The following ZNF804B variants were observed in gnomAD, a reference collection of about 807,000 sequenced individuals.
ZNF804B encodes the protein zinc finger protein 804B, also known as zinc finger 804B.
In ZNF804B, 80 loss-of-function variants were observed where a neutral mutation model predicts 101.4. That is an observed-to-expected ratio of 0.79 (90% CI 0.66 to 0.95). ZNF804B has a LOEUF of 0.95. ZNF804B is among the 40% of genes least tolerant of loss of function. ZNF804B has a pLI of 0.00. For missense variants in ZNF804B, 1,673 were observed against 1,561.9 expected (o/e 1.07, Z -1.20); for synonymous variants, 622 against 558.8 (o/e 1.11, Z -1.59).
intron 1 of ZNF804B, among the ~76,000 whole-genome samples, chr7:89,060,057 T>C (rs1030089030): frequency 6.6e-6 from 1 of 152,116 alleles, no homozygotes; most frequent in Non-Finnish European, 1.5e-5. Flanking sequence ...TTCAGAGCCC[T>C]CTGACTGAGA....
intron 1 of ZNF804B, among the ~76,000 whole-genome samples, chr7:88,841,253 A>G (rs1207409874): frequency 6.6e-6 from 1 of 152,128 alleles, no homozygotes; most frequent in African/African-American, 2.4e-5. Context: ...TGCCAGCCAC[A>G]CCCCATAGTC....
At position 89,220,024 on chromosome 7, in the gene ZNF804B, T is replaced by TGTATATACACATATATGTGTGTATATAC; in HGVS notation, c.249+1729_249+1730insGTATATACACATATATGTGTGTATATAC. Among the ~76,000 whole-genome samples the TGTATATACACATATATGTGTGTATATAC allele has an allele frequency of 1.8e-5, 2 of 113,512 alleles. 1 individual carries two copies. The highest frequency in any genetic ancestry group is 6.9e-5 in the African/African-American group (2 of 29,028). The allele number at this position is 113,512 out of a possible 152,430, so 74.5% of individuals were successfully genotyped here. On this transcript the variant is annotated intron_variant, in intron 2 of 3. Coordinates refer to ENST00000333190, the MANE Select transcript of ZNF804B (RefSeq NM_181646.5). ...ATATGCACATATATGTGTGTATACATATATATACGCACATATATGTGCATA... is the reference window on the plus strand; with the variant it reads ...ATATGCACATATATGTGTGTATACATGTATATACACATATATGTGTGTATATACATATATACGCACATATATGTGCATA...
intron 2 of ZNF804B, among the ~76,000 whole-genome samples, chr7:89,310,588 C>T (rs989302481): frequency 1.3e-5 from 2 of 152,150 alleles, no homozygotes; most frequent in Non-Finnish European, 2.9e-5. Context: ...GGTGCTCTTA[C>T]TTTGCAGGTA....
chr7:88,894,461 G>C (rs10261008), intron 1 of ZNF804B, among the ~76,000 whole-genome samples: 67,652 of 151,750 alleles, frequency 0.45, 16,764 homozygotes, highest in African/African-American at 0.67. Context: ...ATCCACCCAC[G>C]TCAGCCTCCC....
At chr7:89,105,385 A>T (rs1011406043) in intron 1 of ZNF804B, among the ~76,000 whole-genome samples, 1 of 152,114 alleles carries the variant, frequency 6.6e-6, no homozygotes, top group African/African-American at 2.4e-5. Context: ...TTCCATGGAT[A>T]GCTTTTAACT....
intron 1 of ZNF804B, among the ~76,000 whole-genome samples, chr7:89,136,148 T>G (rs1790631297): frequency 6.6e-6 from 1 of 152,116 alleles, no homozygotes; most frequent in South Asian, 2.1e-4. Context: ...TCAAATATTT[T>G]AAATATTCTT....
intron 1 of ZNF804B, among the ~76,000 whole-genome samples, chr7:88,910,513 A>G (rs867976078): frequency 2.0e-5 from 3 of 151,886 alleles, no homozygotes; most frequent in Admixed American, 6.6e-5. Context: ...TAATCCTACA[A>G]TGTCTTAAAA....
chr7:88,934,549 GA>G (rs1792938190), intron 1 of ZNF804B, among the ~76,000 whole-genome samples: 1 of 151,294 alleles, frequency 6.6e-6, no homozygotes. Context: ...AAATCGGCAA[GA>G]AAAAAATAAT....
At chr7:88,786,286 C>A (rs746280453) in intron 1 of ZNF804B, among the ~76,000 whole-genome samples, 4 of 152,038 alleles carry the variant, frequency 2.6e-5, no homozygotes, top group Admixed American at 6.6e-5. Flanking sequence ...TTGGGGAGAG[C>A]TATAGAGAGC....
At chr7:88,817,846 C>T (rs545811474) in intron 1 of ZNF804B, among the ~76,000 whole-genome samples, 4 of 152,150 alleles carry the variant, frequency 2.6e-5, no homozygotes, top group African/African-American at 7.2e-5. Flanking sequence ...ACTGTTATTC[C>T]AATAGAGGAA....
chr7:88,879,289 G>T (rs969524509), intron 1 of ZNF804B, among the ~76,000 whole-genome samples: 3 of 152,084 alleles, frequency 2.0e-5, no homozygotes, highest in Admixed American at 2.0e-4. Flanking sequence ...GGATGATATT[G>T]CCACCAAAGG....
chr7:88,904,327 C>T (rs1792436245), intron 1 of ZNF804B, among the ~76,000 whole-genome samples: 1 of 152,076 alleles, frequency 6.6e-6, no homozygotes. Context: ...ATTTTTGTAA[C>T]AGTGCCATGC....
chr7:89,190,752 A>G (rs1433337702), intron 1 of ZNF804B, among the ~76,000 whole-genome samples: 1 of 152,148 alleles, frequency 6.6e-6, no homozygotes, highest in Non-Finnish European at 1.5e-5. Flanking sequence ...ACCTTTGGCA[A>G]TCACCACCCT....
chr7:89,263,510 C>A (rs1789740128), intron 2 of ZNF804B, among the ~76,000 whole-genome samples: 1 of 151,644 alleles, frequency 6.6e-6, no homozygotes, highest in African/African-American at 2.4e-5. Flanking sequence ...CTAATGTATT[C>A]AAGTCTGCTA....
chr7:88,805,560 G>C (rs989713033), intron 1 of ZNF804B, among the ~76,000 whole-genome samples: 6 of 152,136 alleles, frequency 3.9e-5, no homozygotes, highest in Admixed American at 6.6e-5. Flanking sequence ...ACAATTGAGA[G>C]ACTTATGTAT....
chr7:89,054,229 C>A (rs1789256648), intron 1 of ZNF804B, among the ~76,000 whole-genome samples: 1 of 150,074 alleles, frequency 6.7e-6, no homozygotes, highest in Admixed American at 6.7e-5. Context: ...TAATTGCTGT[C>A]TTATATGTGC....
chr7:89,053,277 T>C (rs1789236947), intron 1 of ZNF804B, among the ~76,000 whole-genome samples: 1 of 152,120 alleles, frequency 6.6e-6, no homozygotes, highest in African/African-American at 2.4e-5. Flanking sequence ...TACCTAGTCA[T>C]AATTTCTAAT....
intron 1 of ZNF804B, among the ~76,000 whole-genome samples, chr7:89,099,118 TAAA>T (rs1464750533): frequency 1.3e-5 from 2 of 150,228 alleles, no homozygotes; most frequent in Non-Finnish European, 3.0e-5. Context: ...ACACACACCT[TAAA>T]GGTGGCATGG....
intron 3 of ZNF804B, among the ~76,000 whole-genome samples, chr7:89,332,595 A>T (rs755047125): frequency 6.6e-6 from 1 of 151,908 alleles, no homozygotes; most frequent in African/African-American, 2.4e-5. Flanking sequence ...AAAGAATTTT[A>T]TCTCTTATAT....
Sources: gnomAD v4.1 joint callset for allele counts (sites outside exome capture counted in the v4.1 genomes callset) on GRCh38, gnomAD v4.1.1 for gene constraint, MANE v1.5 for transcripts, NCBI Gene and HGNC (gene_info 2026-07-23, HGNC 2026-07-21) for gene names.